The following GLYATL3 variants were observed in gnomAD, a reference collection of about 807,000 sequenced individuals.
GLYATL3 encodes the protein glycine N-acyltransferase-like protein 3.
GLYATL3 carries 31 observed loss-of-function variants against 28.5 expected under a neutral mutation model. The ratio of observed to expected loss-of-function variants is 1.09; its 90% CI spans 0.82 to 1.47. GLYATL3 has a LOEUF of 1.47. Among genes scored for constraint, GLYATL3 ranks in the 40% most tolerant of loss-of-function variants. GLYATL3 has a pLI of 0.00. For missense variants in GLYATL3, 369 were observed against 351.5 expected (o/e 1.05, Z -0.40); for synonymous variants, 141 against 140.2 (o/e 1.01, Z -0.04).
chr6:49,519,172 A>C (rs1413112730), intron 4 of GLYATL3, among the ~76,000 whole-genome samples: 1 of 152,188 alleles, frequency 6.6e-6, no homozygotes, highest in Non-Finnish European at 1.5e-5. Flanking sequence ...AATTGGATGG[A>C]TCTTGGTGCT....
chr6:49,503,783 C>T (rs1204958862), intron 1 of GLYATL3, among the ~76,000 whole-genome samples: 1 of 152,054 alleles, frequency 6.6e-6, no homozygotes, highest in African/African-American at 2.4e-5. Flanking sequence ...TAATGAGATC[C>T]CTGATACCAA....
chr6:49,518,578 A>C (rs920158748), intron 4 of GLYATL3, among the ~76,000 whole-genome samples: 1 of 152,174 alleles, frequency 6.6e-6, no homozygotes, highest in Non-Finnish European at 1.5e-5. Flanking sequence ...AAAAGCTTCT[A>C]TCCACCTGGA....
chr6:49,511,789 T>A (rs1311563559), intron 1 of GLYATL3, among the ~76,000 whole-genome samples, 174 bp from the exon 2 acceptor site: 1 of 152,222 alleles, frequency 6.6e-6, no homozygotes, highest in Non-Finnish European at 1.5e-5. Context: ...ACACTTCCCA[T>A]GTATTCTCCG....
rs1467401005 is a variant in GLYATL3, at chr6:49,512,035, A to G, written c.45A>G (p.Lys15=). 2 of 1,492,670 alleles carry G rather than the reference A, an allele frequency of 1.3e-6. No homozygotes were observed. The highest frequency in any genetic ancestry group is 1.8e-6 in the Non-Finnish European group (2 of 1,095,466). The allele number at this position is 1,492,670 out of a possible 1,614,324, so 92.5% of individuals were successfully genotyped here. A position where few individuals can be genotyped will look rare whatever the true frequency, so the allele number is the denominator to read the frequency against. ...NCSTKLLILE[K]MLKSCFPESL... ...CTACCAAATTACTGATACTGGAGAAAATGTTGAAGAGTTGCTTTCCTGAAT... is the reference window on the plus strand; with the variant it reads ...CTACCAAATTACTGATACTGGAGAAGATGTTGAAGAGTTGCTTTCCTGAAT... The change falls in exon 2 of 6, where the codon AAA becomes AAG. Residue 15 remains lysine, a synonymous_variant. Transcript: ENST00000371197.
rs1392624245 is a variant in GLYATL3 at position 49,515,683 on chromosome 6, G to C, written c.109G>C (p.Gly37Arg). 1 of 1,550,726 alleles carries C rather than the reference G, an allele frequency of 6.4e-7. No individual in the cohort carries two copies. Among genetic ancestry groups the C allele is most frequent in the Non-Finnish European group, 8.7e-7 (1 of 1,146,180 alleles). ...VYGAVMNINR[G>R]NPFQKEVVLD... is the part of the protein sequence containing the mutation. The stretch of plus-strand genomic sequence containing the variant: ...CGGAGCGGTGATGAACATAAATCGT[G>C]GGAACCCCTTTCAAAAGGAAGTGGT... The change falls in exon 3 of 6, where the codon GGG (glycine) becomes CGG (arginine). Residue 37 changes from glycine to arginine, a missense_variant. Gly to Arg is a moderately radical substitution (Grantham distance 125, BLOSUM62 -2). Transcript: ENST00000371197.
chr6:49,516,602 A>G (rs1769218739), intron 3 of GLYATL3, among the ~76,000 whole-genome samples: 1 of 152,060 alleles, frequency 6.6e-6, no homozygotes, highest in Non-Finnish European at 1.5e-5. Flanking sequence ...TTATAAATAA[A>G]CAAAATCCTA....
intron 5 of GLYATL3, among the ~76,000 whole-genome samples, chr6:49,524,375 T>C (rs1769366584): frequency 6.6e-6 from 1 of 152,196 alleles, no homozygotes; most frequent in African/African-American, 2.4e-5. Context: ...ATAAAAATGA[T>C]GACAAGAACA....
rs115295946 is a variant in GLYATL3, at chr6:49,503,949, G to A, written c.-29+3907G>A. On this transcript the variant is annotated intron_variant, in intron 1 of 5. Transcript: ENST00000371197. ...TCTTCTGAAGGTTGGGCAGGACAAC[G>A]ATCGTCTACAGAACCAGGCATCCAA... 6.6e-3 allele frequency among the ~76,000 whole-genome samples: 998 copies of A among 152,300 alleles called. 11 individuals carry two copies. Among genetic ancestry groups the A allele is most frequent in the African/African-American group, 0.023 (936 of 41,574 alleles).
In GLYATL3 at chr6:49,527,693, T is replaced by C. The variant is rs1769448036; in HGVS notation, c.*779T>C. Among the ~76,000 whole-genome samples the C allele has an allele frequency of 6.6e-6, 1 of 152,230 alleles. No individual in the cohort carries two copies. Among genetic ancestry groups the C allele is most frequent in the Admixed American group, 6.5e-5 (1 of 15,276 alleles). ...TGTCACCATAGAACTAGACTTTACC[T>C]ATAACCTATTTCAGCCCCCTTATTT... On this transcript the variant is annotated 3_prime_UTR_variant, in exon 6 of 6. Coordinates refer to ENST00000371197, the MANE Select transcript of GLYATL3 (RefSeq NM_001010904.2).
In GLYATL3 at chr6:49,526,750, G is replaced by T. The variant is rs772535896; in HGVS notation, c.703G>T (p.Ala235Ser). Residue 235 changes from alanine to serine, a missense_variant, in exon 6 of 6, where the codon GCC becomes TCC. By Grantham distance (99) the Ala-to-Ser change is moderately conservative. Transcript: ENST00000371197. Reference protein sequence around the residue: ...GYSRLVALTLARKLQSRGFPS... With the variant: ...GYSRLVALTLSRKLQSRGFPS... ...CAGCCGGCTGGTGGCCCTCACGCTG[G>T]CCAGGAAGTTGCAAAGCCGGGGATT... The T allele has an allele frequency of 4.5e-6, 7 of 1,551,608 alleles. No individual in the cohort carries two copies. Among genetic ancestry groups the T allele is most frequent in the Admixed American group, 3.9e-5 (2 of 50,990 alleles).
intron 5 of GLYATL3, 125 bp from the exon 6 acceptor site, chr6:49,526,363 A>G (rs1769412200): frequency 1.3e-6 from 1 of 742,434 alleles, no homozygotes; most frequent in Non-Finnish European, 2.2e-6. Context: ...CAGTGAGCAG[A>G]GATCACGCCA....
At chr6:49,524,867 C>A (rs751951381) in intron 5 of GLYATL3, among the ~76,000 whole-genome samples, 4 of 150,082 alleles carry the variant, frequency 2.7e-5, no homozygotes, top group African/African-American at 9.8e-5. Flanking sequence ...GTCATCCCAG[C>A]TGCTTGGGAG....
chr6:49,521,310 T>A (rs1383340076), intron 4 of GLYATL3, among the ~76,000 whole-genome samples: 1 of 152,188 alleles, frequency 6.6e-6, no homozygotes, highest in Non-Finnish European at 1.5e-5. Context: ...TCATCCTTTA[T>A]TTCGTGGAGC....
intron 1 of GLYATL3, among the ~76,000 whole-genome samples, chr6:49,504,877 T>C (rs575315059): frequency 3.3e-5 from 5 of 152,246 alleles, no homozygotes; most frequent in African/African-American, 7.2e-5. Context: ...CCAGATGAAA[T>C]TGGAAAAGGT....
At chr6:49,517,640 A>G in intron 4 of GLYATL3, 84 bp downstream of exon 4, 1 of 944,112 alleles carries the variant, frequency 1.1e-6, no homozygotes, top group Non-Finnish European at 1.5e-6. Flanking sequence ...TATTTCATAT[A>G]TATGAAAATA....
chr6:49,501,781 A>G lies in GLYATL3; in HGVS notation c.-29+1739A>G, dbSNP rs544309737. ...ATATGTCTTAACCCTAAAGAGGCCT[A>G]GAAGAGCTGTGGCAAGATGAGCGTG... On this transcript the variant is annotated intron_variant, in intron 1 of 5. Transcript: ENST00000371197. Among the ~76,000 whole-genome samples the G allele has an allele frequency of 5.3e-5, 8 of 152,352 alleles. No individual in the cohort carries two copies. The East Asian group carries it at 1.4e-3, about 26-fold the overall frequency.
chr6:49,519,325 TTGGTGGG>T (rs775168559), intron 4 of GLYATL3, among the ~76,000 whole-genome samples: 10 of 152,216 alleles, frequency 6.6e-5, no homozygotes, highest in Non-Finnish European at 1.0e-4. Context: ...TTCTGAAGGT[TTGGTGGG>T]GACAAATGTG....
chr6:49,515,603 G>A, intron 2 of GLYATL3, 50 bp from the exon 3 acceptor site: 1 of 1,048,284 alleles, frequency 9.5e-7, no homozygotes, highest in Non-Finnish European at 1.5e-6. Flanking sequence ...TAATATGTGA[G>A]TGAAACAGCT....
At chr6:49,516,885 C>T (rs758987641) in intron 3 of GLYATL3, among the ~76,000 whole-genome samples, 12 of 151,790 alleles carry the variant, frequency 7.9e-5, no homozygotes, top group African/African-American at 2.2e-4. Context: ...CAGCTGAGCG[C>T]GGTGGCTCAT....
Sources: gnomAD v4.1 joint callset for allele counts (sites outside exome capture counted in the v4.1 genomes callset) on GRCh38, gnomAD v4.1.1 for gene constraint, MANE v1.5 for transcripts, NCBI Gene and HGNC (gene_info 2026-07-23, HGNC 2026-07-21) for gene names.